The following CCDC148 variants were observed in gnomAD, a reference collection of about 807,000 sequenced individuals.
CCDC148 encodes the protein coiled-coil domain containing 148.
In CCDC148, 89 loss-of-function variants were observed where a neutral mutation model predicts 85.7. The ratio of observed to expected loss-of-function variants is 1.04; its 90% CI spans 0.87 to 1.24. The LOEUF (loss-of-function observed/expected upper bound fraction) is 1.24, where lower values mean the gene tolerates loss of function less well. CCDC148 is among the 50% of genes most tolerant of loss of function. The pLI is 0.00. For missense variants in CCDC148, 692 were observed against 671.7 expected (o/e 1.03, Z -0.33); for synonymous variants, 230 against 213.9 (o/e 1.08, Z -0.66).
chr2:158,279,139 C>G (rs1253540385), intron 9 of CCDC148, among the ~76,000 whole-genome samples: 1 of 152,188 alleles, frequency 6.6e-6, no homozygotes, highest in Admixed American at 6.5e-5. Context: ...ACATCACCAT[C>G]ATCAAACACC....
chr2:158,383,896 G>C (rs901157971), intron 1 of CCDC148, among the ~76,000 whole-genome samples: 10 of 152,146 alleles, frequency 6.6e-5, no homozygotes, highest in African/African-American at 2.2e-4. Flanking sequence ...CTCCAGTTTT[G>C]AACCAAGCAC....
intron 7 of CCDC148, among the ~76,000 whole-genome samples, chr2:158,337,092 G>A (rs890830461): frequency 1.3e-5 from 2 of 152,190 alleles, no homozygotes; most frequent in Non-Finnish European, 2.9e-5. Flanking sequence ...CATTATGAAA[G>A]AGCAGAAATT....
intron 1 of CCDC148, among the ~76,000 whole-genome samples, chr2:158,416,939 G>A (rs1686527497): frequency 1.3e-5 from 2 of 152,288 alleles, no homozygotes; most frequent in South Asian, 2.1e-4. Context: ...ACATGGCTAG[G>A]AAGGCCTTAA....
At chr2:158,292,379 A>G (rs1030916514) in intron 9 of CCDC148, among the ~76,000 whole-genome samples, 4 of 152,244 alleles carry the variant, frequency 2.6e-5, no homozygotes, top group Admixed American at 2.6e-4. Flanking sequence ...TGAATACTGC[A>G]GATATCAAAA....
chr2:158,342,098 C>T (rs1267170175), intron 3 of CCDC148, among the ~76,000 whole-genome samples: 2 of 135,452 alleles, frequency 1.5e-5, no homozygotes, highest in African/African-American at 2.8e-5. Context: ...GGCGTGATCT[C>T]GACTCATTGC....
intron 9 of CCDC148, among the ~76,000 whole-genome samples, chr2:158,284,199 G>A (rs185422009): frequency 5.9e-5 from 9 of 151,410 alleles, no homozygotes; most frequent in South Asian, 2.1e-4. Flanking sequence ...TGGGTGAAGC[G>A]CACCAGCATG....
intron 9 of CCDC148, among the ~76,000 whole-genome samples, chr2:158,308,539 C>T (rs975797830): frequency 9.2e-5 from 14 of 152,198 alleles, no homozygotes; most frequent in African/African-American, 3.4e-4. Flanking sequence ...TTTATATGCT[C>T]TTAATTGGTA....
At chr2:158,279,469 C>G (rs976929209) in intron 9 of CCDC148, among the ~76,000 whole-genome samples, 1 of 151,966 alleles carries the variant, frequency 6.6e-6, no homozygotes, top group African/African-American at 2.4e-5. Context: ...ATGAGAACTA[C>G]GTGAAGAATG....
At chr2:158,189,649 A>G (rs570851225) in intron 11 of CCDC148, among the ~76,000 whole-genome samples, 3 of 152,124 alleles carry the variant, frequency 2.0e-5, no homozygotes, top group South Asian at 4.1e-4. Context: ...CAGTTATCTG[A>G]TAACAGAAAC....
At chr2:158,273,570 C>T (rs563022424) in intron 9 of CCDC148, among the ~76,000 whole-genome samples, 1 of 152,120 alleles carries the variant, frequency 6.6e-6, no homozygotes, top group South Asian at 2.1e-4. Flanking sequence ...TGCAGCTGCT[C>T]TTACAGAAGC....
At chr2:158,307,235 C>T (rs1691736722) in intron 9 of CCDC148, among the ~76,000 whole-genome samples, 1 of 151,802 alleles carries the variant, frequency 6.6e-6, no homozygotes, top group South Asian at 2.1e-4. Flanking sequence ...GAAAAAAAAG[C>T]ACAAAACCCA....
chr2:158,222,322 C>A (rs1340509016), intron 10 of CCDC148, among the ~76,000 whole-genome samples: 2 of 152,172 alleles, frequency 1.3e-5, no homozygotes, highest in Non-Finnish European at 2.9e-5. Context: ...CACTTGATCA[C>A]TTGATACACT....
intron 11 of CCDC148, among the ~76,000 whole-genome samples, chr2:158,204,875 C>T (rs1462006114): frequency 3.3e-5 from 5 of 152,142 alleles, no homozygotes; most frequent in Admixed American, 3.3e-4. Flanking sequence ...CAGGAATGTT[C>T]CCAGTAGAAG....
At chr2:158,219,962 C>G (rs1165223336) in intron 11 of CCDC148, among the ~76,000 whole-genome samples, 1 of 152,164 alleles carries the variant, frequency 6.6e-6, no homozygotes, top group Non-Finnish European at 1.5e-5. Flanking sequence ...TTCTATTAAA[C>G]TTACCCTGTT....
intron 9 of CCDC148, among the ~76,000 whole-genome samples, chr2:158,306,152 T>C (rs1289260909): frequency 6.6e-6 from 1 of 152,132 alleles, no homozygotes. Flanking sequence ...TGAGTGGTGG[T>C]GGAACTGTTC....
At chr2:158,332,071 C>T (rs1693161407) in intron 7 of CCDC148, among the ~76,000 whole-genome samples, 1 of 152,050 alleles carries the variant, frequency 6.6e-6, no homozygotes, top group Non-Finnish European at 1.5e-5. Flanking sequence ...GGTTATTTTG[C>T]TCGTTAGTTG....
chr2:158,400,355 A>G (rs973831598), intron 1 of CCDC148, among the ~76,000 whole-genome samples: 17 of 152,178 alleles, frequency 1.1e-4, no homozygotes, highest in Non-Finnish European at 2.9e-5. Context: ...TGGTACCAAA[A>G]CAGACATATA....
At chr2:158,244,562 C>A (rs951845256) in intron 10 of CCDC148, among the ~76,000 whole-genome samples, 2 of 152,142 alleles carry the variant, frequency 1.3e-5, no homozygotes, top group Non-Finnish European at 2.9e-5. Flanking sequence ...TTGAGGCCAC[C>A]ACATTCCTTG....
chr2:158,425,138 T>C, intron 1 of CCDC148: 2 of 505,028 alleles, frequency 4.0e-6, no homozygotes, highest in Non-Finnish European at 4.0e-6. Context: ...ATAGTGCCTA[T>C]GGTGGTGATC....
Sources: allele counts gnomAD v4.1 joint callset (sites outside exome capture counted in the v4.1 genomes callset), GRCh38; gene constraint gnomAD v4.1.1; transcripts MANE v1.5; gene names NCBI Gene and HGNC (gene_info 2026-07-23, HGNC 2026-07-21).